Variants in CDH4 observed in about 807,000 individuals in gnomAD.
CDH4 encodes the protein cadherin 4.
Under a neutral mutation model 86.0 loss-of-function variants are expected in CDH4, and 33 were observed. The observed-to-expected ratio is 0.38, with a 90% confidence interval of 0.29 to 0.51. The LOEUF (loss-of-function observed/expected upper bound fraction) is 0.51. CDH4 is among the 20% of genes least tolerant of loss of function. CDH4 has a pLI of 0.86. For synonymous variants in CDH4, 555 were observed against 549.4 expected, an observed-to-expected ratio of 1.01 and a Z score of -0.14; for missense variants, 1,114 against 1,307.4, an observed-to-expected ratio of 0.85 and a Z score of 2.28.
intron 2 of CDH4, among the ~76,000 whole-genome samples, chr20:61,575,788 C>G (rs2086378565): frequency 6.6e-6 from 1 of 152,236 alleles, no homozygotes; most frequent in African/African-American, 2.4e-5. Flanking sequence ...TTTGCCAACT[C>G]CTGCTGAGCA....
Position 61,810,483 on chromosome 20 carries a change from C to G in CDH4, c.577-34185C>G, listed in dbSNP as rs1437622330. Among the ~76,000 whole-genome samples, 1 of 152,154 alleles carries G rather than the reference C, an allele frequency of 6.6e-6. No homozygotes were observed. The highest frequency in any genetic ancestry group is 6.5e-5 in the Admixed American group (1 of 15,286). ...CCAAGTTCTGACCCACTCTGCTCAC[C>G]CGCAGTGGGAAGGAGCAAGGGAGCG... is the stretch of plus-strand genomic sequence containing the variant. On this transcript the variant is annotated intron_variant, in intron 4 of 15. Coordinates refer to ENST00000614565, the MANE Select transcript of CDH4 (RefSeq NM_001794.5). The surrounding 1 kb of genome is among the most constrained non-coding windows in gnomAD (Gnocchi z 4.3).
chr20:61,556,377 T>G (rs1426711353), intron 2 of CDH4, among the ~76,000 whole-genome samples: 2 of 151,570 alleles, frequency 1.3e-5, no homozygotes, highest in African/African-American at 4.9e-5. Flanking sequence ...GGGGCAGGGG[T>G]GGAGACGGGG....
In CDH4 at chr20:61,829,286, G is replaced by T. The variant is rs80070434; in HGVS notation, c.577-15382G>T. Among the ~76,000 whole-genome samples the T allele has an allele frequency of 6.6e-6, 1 of 152,206 alleles. No individual in the cohort carries two copies. Among genetic ancestry groups the T allele is most frequent in the Non-Finnish European group, 1.5e-5 (1 of 68,042 alleles). On this transcript the variant is annotated intron_variant, in intron 4 of 15. Coordinates refer to ENST00000614565, the MANE Select transcript of CDH4 (RefSeq NM_001794.5). This position sits in a 1 kb window ranked among gnomAD's most constrained non-coding sequence, Gnocchi z 4.2. Reference sequence around the variant, plus strand: ...GTGGGGTTTGTGTCCGGCTTCTTTCGCTGAGCATAATGTTTTCAAGGTTCA... The same window carrying T: ...GTGGGGTTTGTGTCCGGCTTCTTTCTCTGAGCATAATGTTTTCAAGGTTCA...
chr20:61,765,976 C>T (rs1433517276), intron 3 of CDH4, among the ~76,000 whole-genome samples: 1 of 152,078 alleles, frequency 6.6e-6, no homozygotes, highest in African/African-American at 2.4e-5. Flanking sequence ...CACCCCCGCG[C>T]CTCTGGGATT....
intron 4 of CDH4, among the ~76,000 whole-genome samples, chr20:61,819,046 G>A (rs1980881449): frequency 6.6e-6 from 1 of 152,230 alleles, no homozygotes; most frequent in African/African-American, 2.4e-5. Context: ...CCATGTGGCT[G>A]CGCCCCACAT....
chr20:61,785,877 G>A (rs78480518), intron 4 of CDH4, among the ~76,000 whole-genome samples: 8,274 of 152,258 alleles, frequency 0.054, 716 homozygotes, highest in African/African-American at 0.19. Context: ...GCCAGGGAGC[G>A]TGCGAGCGAG....
intron 2 of CDH4, among the ~76,000 whole-genome samples, chr20:61,465,537 T>C (rs2085467270): frequency 6.6e-6 from 1 of 152,220 alleles, no homozygotes; most frequent in Admixed American, 6.5e-5. Context: ...CTAGCACCTC[T>C]CTGTAAATTG....
intron 2 of CDH4, among the ~76,000 whole-genome samples, chr20:61,568,031 AT>A (rs1368902478): frequency 6.6e-6 from 1 of 152,244 alleles, no homozygotes; most frequent in Non-Finnish European, 1.5e-5. Flanking sequence ...GGAGATCAAA[AT>A]AACAGAATTA....
At chr20:61,844,067 AT>A (rs1433943194) in intron 4 of CDH4, among the ~76,000 whole-genome samples, 1 of 152,190 alleles carries the variant, frequency 6.6e-6, no homozygotes, top group African/African-American at 2.4e-5. Context: ...AAAATCTTGT[AT>A]GAATCTCAAT....
intron 2 of CDH4, among the ~76,000 whole-genome samples, chr20:61,366,387 G>A (rs117065186): frequency 0.021 from 3,214 of 152,260 alleles, 47 homozygotes; most frequent in Non-Finnish European, 0.033. Context: ...AGACCAGCTC[G>A]GTCGGGGAGA....
rs778048684 is a variant in CDH4 at position 61,258,329 on chromosome 20, CA to C, written c.169+3408del. On this transcript the variant is annotated intron_variant, in intron 2 of 15. Coordinates refer to ENST00000614565, the MANE Select transcript of CDH4 (RefSeq NM_001794.5). Reference sequence around the variant, plus strand: ...TGGGCAAAAGAACGAGACTCCGTCTCAAAAAAAAAAAAAAAAGAAAAAAAAA... The same window carrying C: ...TGGGCAAAAGAACGAGACTCCGTCTCAAAAAAAAAAAAAAAGAAAAAAAAA... 2.8e-3 allele frequency among the ~76,000 whole-genome samples: 173 copies of C among 62,358 alleles called. 3 individuals carry two copies. The highest frequency in any genetic ancestry group is 0.012 in the African/African-American group (171 of 13,732). 40.9% of individuals were successfully genotyped at this position (62,358 alleles called of 152,430 possible). A position where few individuals can be genotyped will look rare whatever the true frequency, so the allele number is the denominator to read the frequency against.
At chr20:61,918,463 C>T (rs764876184) in intron 9 of CDH4, among the ~76,000 whole-genome samples, 16 of 152,266 alleles carry the variant, frequency 1.1e-4, no homozygotes, top group East Asian at 3.9e-4. Flanking sequence ...CTGTGCTGGA[C>T]GCTGGGGAGG....
intron 8 of CDH4, among the ~76,000 whole-genome samples, chr20:61,908,093 G>A (rs1354572292): frequency 6.6e-6 from 1 of 152,206 alleles, no homozygotes; most frequent in Non-Finnish European, 1.5e-5. Flanking sequence ...AGGTCGAGGA[G>A]GCTGATTAAA....
In CDH4 at chr20:61,648,922, T is replaced by TGCAGGTGGCCCCACCTC. The variant is rs1049576278; in HGVS notation, c.170-94630_170-94614dup. Among the ~76,000 whole-genome samples, 5 of 152,212 alleles carry TGCAGGTGGCCCCACCTC rather than the reference T, an allele frequency of 3.3e-5. No homozygotes were observed. The East Asian group carries it at 7.7e-4, about 23-fold the overall frequency. On this transcript the variant is annotated intron_variant, in intron 2 of 15. Coordinates refer to ENST00000614565, the MANE Select transcript of CDH4 (RefSeq NM_001794.5). Reference sequence around the variant, plus strand: ...AAGGAGTTTGTCCTGGAGTCTGTCCTGCAGGTGGCCCCACCTCGCAGGTGG... The same window carrying TGCAGGTGGCCCCACCTC: ...AAGGAGTTTGTCCTGGAGTCTGTCCTGCAGGTGGCCCCACCTCGCAGGTGGCCCCACCTCGCAGGTGG...
intron 2 of CDH4, among the ~76,000 whole-genome samples, chr20:61,382,809 G>C (rs1026122069): frequency 2.6e-5 from 4 of 152,002 alleles, no homozygotes; most frequent in African/African-American, 9.7e-5. Flanking sequence ...GTGCCAGGGA[G>C]TTAGAGCCCA....
At chr20:61,775,021 G>T (rs904408264) in intron 4 of CDH4, among the ~76,000 whole-genome samples, 2 of 152,168 alleles carry the variant, frequency 1.3e-5, no homozygotes, top group Non-Finnish European at 2.9e-5. Context: ...AATGACTTCT[G>T]TTCCTTTGGG....
chr20:61,509,076 G>A (rs1407386144), intron 2 of CDH4, among the ~76,000 whole-genome samples: 1 of 152,142 alleles, frequency 6.6e-6, no homozygotes, highest in East Asian at 1.9e-4. Flanking sequence ...GTGCCTGGTT[G>A]GAGCAGCAAA....
chr20:61,846,685 T>G (rs1982470091), intron 5 of CDH4, among the ~76,000 whole-genome samples: 1 of 152,154 alleles, frequency 6.6e-6, no homozygotes, highest in Admixed American at 6.5e-5. Flanking sequence ...TTGATACAAG[T>G]CTTGCCACAT....
intron 2 of CDH4, among the ~76,000 whole-genome samples, chr20:61,553,949 T>C (rs1278436179): frequency 6.6e-6 from 1 of 152,136 alleles, no homozygotes; most frequent in Non-Finnish European, 1.5e-5. Flanking sequence ...AGCATTGTGG[T>C]AAGCTGTGCC....
Sources: allele counts gnomAD v4.1 joint callset (sites outside exome capture counted in the v4.1 genomes callset), GRCh38; gene constraint gnomAD v4.1.1; non-coding constraint Gnocchi (gnomAD v3.1); transcripts MANE v1.5; gene names NCBI Gene and HGNC (gene_info 2026-07-23, HGNC 2026-07-21).